Variants in NOL6 observed in about 807,000 individuals in gnomAD.
The protein encoded by NOL6 is nucleolar RNA-associated protein.
NOL6 carries 33 observed loss-of-function variants against 131.7 expected under a neutral mutation model. The observed-to-expected ratio is 0.25, with a 90% CI of 0.19 to 0.33. The LOEUF (loss-of-function observed/expected upper bound fraction) is 0.33, where lower values mean the gene tolerates loss of function less well. NOL6 is among the 10% of genes least tolerant of loss of function. NOL6 has a pLI of 1.00. For synonymous variants in NOL6, 580 were observed against 605.7 expected (o/e 0.96, Z 0.62); for missense variants, 1,297 against 1,494.5 (o/e 0.87, Z 2.18).
chr9:33,464,734 T>G (rs1324407273), intron 21 of NOL6, 145 bp downstream of exon 21: 1 of 628,642 alleles, frequency 1.6e-6, no homozygotes, highest in African/African-American at 1.8e-5. Context: ...GGTCAGGCTG[T>G]TCACCTGGAC....
At chr9:33,465,632 A>G in intron 19 of NOL6, 102 bp downstream of exon 19, 1 of 1,301,574 alleles carries the variant, frequency 7.7e-7, no homozygotes, top group South Asian at 1.5e-5. Context: ...CATACCCCTA[A>G]CTATGATACC....
intron 1 of NOL6, 73 bp downstream of exon 1, chr9:33,473,716 T>C: frequency 6.4e-7 from 1 of 1,554,554 alleles, no homozygotes; most frequent in Admixed American, 1.7e-5. Context: ...AGCTGTCAGA[T>C]CACGCCATCT....
rs770387061 is a variant in NOL6 at position 33,466,702 on chromosome 9, C to G, written c.1958G>C (p.Ser653Thr). ...ALIQGLKETS[S>T]TGEEALVAAV... Reference sequence around the variant, plus strand: ...CGCTACCAGGGCCTCCTCACCTGTGCTGGAGGTCTGAGAGGGAGAAGACGG... The same window carrying G: ...CGCTACCAGGGCCTCCTCACCTGTGGTGGAGGTCTGAGAGGGAGAAGACGG... The change falls in exon 16 of 26, where the codon AGC becomes ACC. Residue 653 changes from serine (S) to threonine (T), a missense_variant. Transcript: ENST00000297990. The G allele has an allele frequency of 5.0e-6, 8 of 1,613,730 alleles. No individual in the cohort carries two copies. The highest frequency in any genetic ancestry group is 6.8e-6 in the Non-Finnish European group (8 of 1,179,992).
chr9:33,467,052 C>A lies in NOL6; in HGVS notation c.1874+62G>T. 1 of 1,613,346 alleles carries A rather than the reference C, an allele frequency of 6.2e-7. No homozygotes were observed. The highest frequency in any genetic ancestry group is 8.5e-7 in the Non-Finnish European group (1 of 1,179,376). On this transcript the variant is annotated intron_variant, in intron 14 of 25. Transcript: ENST00000297990. The surrounding 1 kb of genome is among the most constrained non-coding windows in gnomAD (Gnocchi z 4.4). ...TATGTTCTCGCTCAACTGCCTGGGC[C>A]AGACCCCTGAAAAGGCTCCCCAGCC...
At chr9:33,470,248 C>CT in intron 3 of NOL6, 57 bp from the exon 4 acceptor site, 2 of 1,384,832 alleles carry the variant, frequency 1.4e-6, no homozygotes, top group Non-Finnish European at 1.9e-6. Context: ...CACATGTACC[C>CT]TTTATGTCTA....
intron 1 of NOL6, 53 bp downstream of exon 1, chr9:33,473,736 C>A: frequency 6.3e-7 from 1 of 1,597,054 alleles, no homozygotes; most frequent in South Asian, 1.1e-5. Flanking sequence ...TCGGGCCCTG[C>A]AGCCAAGGGA....
At chr9:33,469,882 T>C in intron 4 of NOL6, 130 bp downstream of exon 4, 1 of 1,090,954 alleles carries the variant, frequency 9.2e-7, no homozygotes, top group Non-Finnish European at 1.3e-6. Context: ...TCAGGATGCC[T>C]GCAATGGTCT....
At position 33,466,662 on chromosome 9, in the gene NOL6, G is replaced by A. The variant is rs572838118; in HGVS notation, c.1998C>T (p.Tyr666=). The stretch of plus-strand genomic sequence containing the variant: ...CCCACAGTAGGCGACTGAGGTCGTC[G>A]TAGCAACGTACCGCCGCTACCAGGG... ...EEALVAAVRC[Y]DDLSRLLWGL... is the part of the protein sequence containing the mutation. The change falls in exon 16 of 26, where the codon TAC becomes TAT. Residue 666 remains tyrosine, a synonymous_variant. Coordinates refer to ENST00000297990, the MANE Select transcript of NOL6 (RefSeq NM_022917.5). The A allele has an allele frequency of 1.4e-5, 23 of 1,613,900 alleles. No individual in the cohort carries two copies. The African/African-American group carries it at 1.5e-4, about 10-fold the overall frequency.
In NOL6 at chr9:33,465,725, T is replaced by A; in HGVS notation, c.2528+9A>T. The A allele has an allele frequency of 1.2e-6, 2 of 1,608,864 alleles. No individual in the cohort carries two copies. The highest frequency in any genetic ancestry group is 1.7e-6 in the Non-Finnish European group (2 of 1,176,808). ...TACAGACAGGAAGAAGCTGTGTCAGTGGCCTTACCCGTGCAGGGCACTGGT... is the reference window on the plus strand; with the variant it reads ...TACAGACAGGAAGAAGCTGTGTCAGAGGCCTTACCCGTGCAGGGCACTGGT... On this transcript the variant is annotated intron_variant, in intron 19 of 25. Transcript: ENST00000297990.
Position 33,469,541 on chromosome 9 carries a change from T to C in NOL6, c.685A>G (p.Asn229Asp). The C allele has an allele frequency of 6.2e-7, 1 of 1,609,992 alleles. No individual in the cohort carries two copies. The highest frequency in any genetic ancestry group is 8.5e-7 in the Non-Finnish European group (1 of 1,178,612). Residue 229 changes from asparagine to aspartate, a missense_variant, in exon 5 of 26, where the codon AAT becomes GAT. Transcript: ENST00000297990. ...AGTGAGGGTTTCAGGTGGCAGCCAT[T>C]TGTGTAGGAGAAGCAAACACTGCCA... is the stretch of plus-strand genomic sequence containing the variant. The part of the protein sequence containing the change: ...LFGSVCFSYT[N>D]GCHLKPSLLL...
Position 33,464,883 on chromosome 9 carries a change from G to A in NOL6, c.2775C>T (p.Leu925=), listed in dbSNP as rs1460268987. ...GACCCCTGTTCTACCACTTACCAGT[G>A]AGCTCATTATTGAGGTTGACAAAGA... ...NPLFVNLNNE[L]TVEEQVEIRS... The change falls in exon 21 of 26, where the codon CTC becomes CTT. Residue 925 remains leucine (L), a synonymous_variant. Transcript: ENST00000297990. 1 of 1,609,024 alleles carries A rather than the reference G, an allele frequency of 6.2e-7. No homozygotes were observed. Among genetic ancestry groups the A allele is most frequent in the South Asian group, 1.1e-5 (1 of 90,968 alleles).
Position 33,472,027 on chromosome 9 carries a change from C to T in NOL6, c.355G>A (p.Val119Met). The change falls in exon 3 of 26, where the codon GTG (valine) becomes ATG (methionine). Residue 119 changes from valine to methionine, a missense_variant. By Grantham distance (21) the Val-to-Met change is conservative. Transcript: ENST00000297990. The stretch of plus-strand genomic sequence containing the variant: ...ACCTCTGTCTCAGGGACTGAGGGCA[C>T]CCTCACAACCCGCTGGTTGACCTCC... ...LREVNQRVVR[V>M]PSVPETELTD... 1 of 1,612,358 alleles carries T rather than the reference C, an allele frequency of 6.2e-7. No individual in the cohort carries two copies. The highest frequency in any genetic ancestry group is 2.1e-4 in the Middle Eastern group (1 of 4,722).
In NOL6 at chr9:33,464,968, T is replaced by C; in HGVS notation, c.2690A>G (p.Gln897Arg). Reference sequence around the variant, plus strand: ...GAAAAGGAATCGAAGGAAGCCAACCTGGGGGGAACTAAAGGGCTGGAGTAA... The same window carrying C: ...GAAAAGGAATCGAAGGAAGCCAACCCGGGGGGAACTAAAGGGCTGGAGTAA... ...PEPFTPPSSP[Q>R]VGFLRFLFLV... Residue 897 changes from glutamine to arginine, a missense_variant, in exon 21 of 26, where the codon CAG becomes CGG. By Grantham distance (43) the Gln-to-Arg change is conservative. Coordinates refer to ENST00000297990, the MANE Select transcript of NOL6 (RefSeq NM_022917.5). 6.2e-7 allele frequency: 1 copy of C among 1,613,392 alleles called. No individual in the cohort carries two copies. Among genetic ancestry groups the C allele is most frequent in the Non-Finnish European group, 8.5e-7 (1 of 1,179,544 alleles).
Position 33,466,973 on chromosome 9 carries a change from G to C in NOL6, c.1889C>G (p.Pro630Arg), listed in dbSNP as rs1231356947. The C allele has an allele frequency of 6.2e-7, 1 of 1,614,184 alleles. No homozygotes were observed. The highest frequency in any genetic ancestry group is 8.5e-7 in the Non-Finnish European group (1 of 1,180,030). ...CCCCACATAGTGGACACAGGTTTCT[G>C]GGATGTCAGCATGGCTGAAAAAGAG... is the stretch of plus-strand genomic sequence containing the variant. ...THLLALHADI[P>R]ETCVHYVGGP... The change falls in exon 15 of 26, where the codon CCA becomes CGA. Residue 630 changes from proline (P) to arginine (R), a missense_variant. Coordinates refer to ENST00000297990, the MANE Select transcript of NOL6 (RefSeq NM_022917.5).
intron 19 of NOL6, 84 bp downstream of exon 19, chr9:33,465,650 C>T (rs1290340154): frequency 1.4e-6 from 2 of 1,432,894 alleles, no homozygotes; most frequent in East Asian, 2.4e-5. Flanking sequence ...ACCATCTGGC[C>T]CCTGGAGAGA....
Position 33,467,756 on chromosome 9 carries a change from G to A in NOL6, c.1537C>T (p.Leu513Phe). 1 of 1,610,200 alleles carries A rather than the reference G, an allele frequency of 6.2e-7. No homozygotes were observed. Among genetic ancestry groups the A allele is most frequent in the South Asian group, 1.1e-5 (1 of 90,546 alleles). The change falls in exon 12 of 26, where the codon CTC (leucine) becomes TTC (phenylalanine). Residue 513 changes from leucine to phenylalanine, a missense_variant. Leu to Phe is a conservative substitution (Grantham distance 22). Transcript: ENST00000297990. The surrounding 1 kb of genome is among the most constrained non-coding windows in gnomAD (Gnocchi z 4.4). ...CGAGCCCCCAGGCCCTGCTCCAGGA[G>A]GGTGGTCAGGGGGCCCAAAGCAGCT... ...VSAALGPLTTLLEQGLGARLN... is the reference protein window; with the variant it reads ...VSAALGPLTTFLEQGLGARLN...
Position 33,467,172 on chromosome 9 carries a change from C to A in NOL6, c.1816G>T (p.Ala606Ser), listed in dbSNP as rs755707195. Residue 606 changes from alanine (A) to serine (S), a missense_variant, in exon 14 of 26, where the codon GCC (alanine) becomes TCC (serine). By Grantham distance (99) the Ala-to-Ser change is moderately conservative. Transcript: ENST00000297990. The surrounding 1 kb of genome is among the most constrained non-coding windows in gnomAD (Gnocchi z 4.4). ...AIREAVVWEA[A>S]SMSQKRLIPH... ...ATAAGGCGCTTCTGGGACATAGAGG[C>A]TGCCTCCCAGACCACAGCTTCCCGA... 3 of 1,614,074 alleles carry A rather than the reference C, an allele frequency of 1.9e-6. No homozygotes were observed. The highest frequency in any genetic ancestry group is 2.5e-6 in the Non-Finnish European group (3 of 1,180,044).
intron 22 of NOL6, 32 bp from the exon 23 acceptor site, chr9:33,463,952 G>A: frequency 1.2e-6 from 2 of 1,614,118 alleles, no homozygotes; most frequent in Non-Finnish European, 1.7e-6. Flanking sequence ...GACTGGAACT[G>A]AAGTGGGTCT....
intron 21 of NOL6, among the ~76,000 whole-genome samples, chr9:33,464,551 C>A (rs1827189317): frequency 6.6e-6 from 1 of 152,150 alleles, no homozygotes; most frequent in Non-Finnish European, 1.5e-5. Context: ...CCACCCCCAC[C>A]AAGAGGTCTG....
Sources: allele counts gnomAD v4.1 joint callset (sites outside exome capture counted in the v4.1 genomes callset), GRCh38; gene constraint gnomAD v4.1.1; non-coding constraint Gnocchi (gnomAD v3.1); transcripts MANE v1.5; gene names NCBI Gene and HGNC (gene_info 2026-07-23, HGNC 2026-07-21).